The following RARB variants were observed in gnomAD, a reference collection of about 807,000 sequenced individuals.
RARB encodes retinoic acid receptor beta.
A neutral mutation model predicts 51.9 loss-of-function variants in RARB; 17 were observed. The ratio of observed to expected loss-of-function variants is 0.33; its 90% CI spans 0.22 to 0.49. RARB has a LOEUF of 0.49. Ranked by LOEUF, RARB falls within the 20% of genes least tolerant of loss-of-function variation. The pLI, the probability that RARB is intolerant of heterozygous loss-of-function variation, is 0.99. For missense variants in RARB, 369 were observed against 550.8 expected, an observed-to-expected ratio of 0.67 and a Z score of 3.30; for synonymous variants, 215 against 195.4, an observed-to-expected ratio of 1.10 and a Z score of -0.84.
At chr3:25,578,501 T>C (rs1347641554) in intron 4 of RARB, among the ~76,000 whole-genome samples, 3 of 152,222 alleles carry the variant, frequency 2.0e-5, no homozygotes, top group South Asian at 2.1e-4. Flanking sequence ...GGATACTCTA[T>C]TGTAAAATGA....
chr3:25,389,032 G>A (rs1706873924), intron 5 of RARB, among the ~76,000 whole-genome samples: 1 of 152,120 alleles, frequency 6.6e-6, no homozygotes, highest in South Asian at 2.1e-4. Flanking sequence ...AGAAGGAAAA[G>A]GAAGATGATG....
intron 5 of RARB, among the ~76,000 whole-genome samples, chr3:25,180,778 A>G (rs1700845300): frequency 6.6e-6 from 1 of 152,186 alleles, no homozygotes; most frequent in Non-Finnish European, 1.5e-5. Flanking sequence ...AGAGGAAGGG[A>G]GAAAAAGAGG....
chr3:25,493,244 G>C (rs1328237233), intron 2 of RARB, among the ~76,000 whole-genome samples: 1 of 151,914 alleles, frequency 6.6e-6, no homozygotes, highest in African/African-American at 2.4e-5. Context: ...CTTTCAGTGG[G>C]GTGAAAAGGT....
chr3:25,468,020 G>A (rs1014836913), intron 2 of RARB, among the ~76,000 whole-genome samples: 3 of 152,194 alleles, frequency 2.0e-5, no homozygotes, highest in Admixed American at 2.0e-4. Flanking sequence ...ATGGGGGTCA[G>A]GTGGGATCTC....
intron 5 of RARB, among the ~76,000 whole-genome samples, chr3:25,410,820 C>T (rs1707541802): frequency 2.0e-5 from 3 of 152,232 alleles, no homozygotes; most frequent in Admixed American, 6.5e-5. Flanking sequence ...ATCAGGGCCT[C>T]TCCCCTCCTT....
chr3:25,351,215 T>TGG (rs1304228708), intron 5 of RARB, among the ~76,000 whole-genome samples: 2 of 152,168 alleles, frequency 1.3e-5, no homozygotes, highest in East Asian at 3.8e-4. Context: ...TTTCACTTGA[T>TGG]GGAGAGGGGC....
intron 5 of RARB, among the ~76,000 whole-genome samples, chr3:25,319,376 T>G (rs559199996): frequency 6.6e-6 from 1 of 152,198 alleles, no homozygotes; most frequent in Non-Finnish European, 1.5e-5. Context: ...ATAACTAGTT[T>G]CCCTTCTGTG....
chr3:24,885,655 C>A (rs1703252983), intron 2 of RARB, among the ~76,000 whole-genome samples: 2 of 152,082 alleles, frequency 1.3e-5, no homozygotes, highest in Admixed American at 6.5e-5. Context: ...GTAGCAGTGT[C>A]CAGTGTTAAG....
chr3:25,589,527 C>A (rs191176768), intron 5 of RARB, among the ~76,000 whole-genome samples: 1 of 152,278 alleles, frequency 6.6e-6, no homozygotes, highest in East Asian at 1.9e-4. Flanking sequence ...CTTCAGAGGC[C>A]CTCACCGTAA....
intron 2 of RARB, among the ~76,000 whole-genome samples, chr3:24,958,258 T>TTGTTTTG (rs1212536640): frequency 2.8e-3 from 194 of 69,764 alleles, no homozygotes; most frequent in Admixed American, 3.8e-3. Flanking sequence ...TGCTCAGGTT[T>TTGTTTTG]TTTTTTTTTT....
chr3:25,318,819 G>A (rs1704491623), intron 5 of RARB, among the ~76,000 whole-genome samples: 1 of 152,142 alleles, frequency 6.6e-6, no homozygotes, highest in Admixed American at 6.5e-5. Context: ...CAAGACAGAA[G>A]GGAATTTCAA....
chr3:25,149,239 G>A lies in RARB; in HGVS notation c.-280+17031G>A, dbSNP rs559469716. On this transcript the variant is annotated intron_variant, in intron 4 of 11. Transcript: ENST00000383772. Reference sequence around the variant, plus strand: ...TTACAATTAATCTTCCATAGGAATGGTTTCTAAAATTTGTGAAGAATGCTT... The same window carrying A: ...TTACAATTAATCTTCCATAGGAATGATTTCTAAAATTTGTGAAGAATGCTT... Among the ~76,000 whole-genome samples, 10 of 152,270 alleles carry A rather than the reference G, an allele frequency of 6.6e-5. 1 individual carries two copies. In the South Asian group the frequency reaches 2.1e-3, roughly 32 times the overall value.
intron 1 of RARB, among the ~76,000 whole-genome samples, chr3:25,432,890 T>C (rs2125517919): frequency 6.6e-6 from 1 of 152,156 alleles, no homozygotes; most frequent in East Asian, 1.9e-4. Context: ...AGATGCAAAA[T>C]ACAAAACTCT....
intron 5 of RARB, among the ~76,000 whole-genome samples, chr3:25,341,209 C>A (rs1031708341): frequency 6.6e-6 from 1 of 152,156 alleles, no homozygotes; most frequent in Non-Finnish European, 1.5e-5. Context: ...CCGTGCCTGG[C>A]ATGAAGCAGA....
In RARB at chr3:25,503,873, C is replaced by G. The variant is rs1432683677; in HGVS notation, c.448+2550C>G. ...AAGGGATCTTAGAGATTGATTTTCA[C>G]TCACCTCTCTCATTTGACGTACAAG... is the stretch of plus-strand genomic sequence containing the variant. On this transcript the variant is annotated intron_variant, in intron 3 of 7. Transcript: ENST00000330688. Among the ~76,000 whole-genome samples, 5 of 152,268 alleles carry G rather than the reference C, an allele frequency of 3.3e-5. No individual in the cohort carries two copies. The South Asian group carries it at 8.3e-4, about 25-fold the overall frequency.
intron 4 of RARB, among the ~76,000 whole-genome samples, chr3:25,168,101 A>C (rs545198542): frequency 6.6e-6 from 1 of 152,386 alleles, no homozygotes; most frequent in East Asian, 1.9e-4. Flanking sequence ...TTTGGCAGAC[A>C]ATACAAATGA....
chr3:25,468,289 C>T (rs1695529210), intron 2 of RARB, among the ~76,000 whole-genome samples: 1 of 151,120 alleles, frequency 6.6e-6, no homozygotes, highest in South Asian at 2.1e-4. Flanking sequence ...AAGAGGTCTC[C>T]AGTGTTTGTA....
intron 2 of RARB, among the ~76,000 whole-genome samples, chr3:25,041,679 G>A (rs1202301457): frequency 6.6e-6 from 1 of 151,522 alleles, no homozygotes. Flanking sequence ...TTAGATTCAG[G>A]GGTTCTTAAG....
intron 2 of RARB, among the ~76,000 whole-genome samples, chr3:24,876,825 AT>A (rs1703053529): frequency 6.6e-6 from 1 of 152,176 alleles, no homozygotes; most frequent in East Asian, 1.9e-4. Flanking sequence ...CAGAGTTTAG[AT>A]AGTGGCATTT....
Sources: gnomAD v4.1 joint callset for allele counts (sites outside exome capture counted in the v4.1 genomes callset) on GRCh38, gnomAD v4.1.1 for gene constraint, MANE v1.5 for transcripts, NCBI Gene and HGNC (gene_info 2026-07-23, HGNC 2026-07-21) for gene names.